The following ZPR1 variants were observed in gnomAD, a reference collection of about 807,000 sequenced individuals.
The protein encoded by ZPR1 is ZPR1 zinc finger, also known as zinc finger protein ZPR1.
A neutral mutation model predicts 59.6 loss-of-function variants in ZPR1; 37 were observed. The observed-to-expected ratio is 0.62, with a 90% CI of 0.48 to 0.82. The LOEUF (loss-of-function observed/expected upper bound fraction) is 0.82, where lower values mean the gene tolerates loss of function less well. Ranked by LOEUF, ZPR1 falls within the 40% of genes least tolerant of loss-of-function variation. The pLI is 0.00. For synonymous variants in ZPR1, 191 were observed against 215.2 expected (o/e 0.89, Z 0.99); for missense variants, 527 against 579.9 (o/e 0.91, Z 0.94).
intron 12 of ZPR1, among the ~76,000 whole-genome samples, chr11:116,780,699 G>T (rs927232394): frequency 6.6e-6 from 1 of 152,080 alleles, no homozygotes; most frequent in Non-Finnish European, 1.5e-5. Flanking sequence ...GGCATTGGAG[G>T]CCACCTCAGC....
Position 116,779,468 on chromosome 11 carries a change from C to T in ZPR1, c.1245+304G>A, listed in dbSNP as rs145796806. On this transcript the variant is annotated intron_variant, in intron 13 of 13. Transcript: ENST00000227322. Reference sequence around the variant, plus strand: ...CCTATCTTGGCCTCCGGACAAGGTACCATTTCTCCTCAATCCATAATCAGA... The same window carrying T: ...CCTATCTTGGCCTCCGGACAAGGTATCATTTCTCCTCAATCCATAATCAGA... 7.8e-3 allele frequency among the ~76,000 whole-genome samples: 1,180 copies of T among 152,218 alleles called. 25 individuals carry two copies. Among genetic ancestry groups the T allele is most frequent in the Admixed American group, 0.041 (634 of 15,296 alleles).
intron 12 of ZPR1, among the ~76,000 whole-genome samples, chr11:116,781,754 T>G (rs1001230791): frequency 6.6e-6 from 1 of 152,178 alleles, no homozygotes; most frequent in Non-Finnish European, 1.5e-5. Context: ...GGCTCACGCC[T>G]GTAATCCCAG....
rs1648420651 is a variant in ZPR1, at chr11:116,787,957, G to A, written c.34C>T (p.Pro12Ser). The change falls in exon 1 of 14, where the codon CCG becomes TCG. Residue 12 changes from proline (P) to serine (S), a missense_variant. Transcript: ENST00000227322. ...AASGAVEPGP[P>S]GAAVAPSPAP... Reference sequence around the variant, plus strand: ...GGCGACGGGGCGACGGCAGCCCCCGGGGGCCCTGGTTCCACAGCCCCGCTG... The same window carrying A: ...GGCGACGGGGCGACGGCAGCCCCCGAGGGCCCTGGTTCCACAGCCCCGCTG... 6.9e-7 allele frequency: 1 copy of A among 1,458,062 alleles called. No individual in the cohort carries two copies. The highest frequency in any genetic ancestry group is 9.0e-7 in the Non-Finnish European group (1 of 1,115,480). The allele number at this position is 1,458,062 out of a possible 1,614,324, so 90.3% of individuals were successfully genotyped here. A position where few individuals can be genotyped will look rare whatever the true frequency, so the allele number is the denominator to read the frequency against.
Position 116,787,041 on chromosome 11 carries a change from C to G in ZPR1, c.352G>C (p.Val118Leu). Reference protein sequence around the residue: ...RALEDMNREVVKTDSAATRIP... With the variant: ...RALEDMNREVLKTDSAATRIP... ...CTTGTGGCAGCAGAGTCAGTCTTCA[C>G]CACTTCTCTGTTCATGTCCTGGGAA... Residue 118 changes from valine to leucine, a missense_variant, in exon 3 of 14, where the codon GTG becomes CTG. Physicochemically the swap from Val to Leu is conservative, Grantham distance 32 (BLOSUM62 1). Coordinates refer to ENST00000227322, the MANE Select transcript of ZPR1 (RefSeq NM_003904.5). 2 of 1,614,146 alleles carry G rather than the reference C, an allele frequency of 1.2e-6. No homozygotes were observed. The highest frequency in any genetic ancestry group is 2.2e-5 in the East Asian group (1 of 44,890).
In ZPR1 at chr11:116,778,949, C is replaced by T. The variant is rs1377830588; in HGVS notation, c.1356G>A (p.Glu452=). Residue 452 remains glutamate (E), a synonymous_variant, in exon 14 of 14, where the codon GAG becomes GAA. Coordinates refer to ENST00000227322, the MANE Select transcript of ZPR1 (RefSeq NM_003904.5). ...GCTACCGTTGCGGAGCCAGGCCTGC[C>T]TCATAGCCCTCTGTCTTCATGTCAT... ...GLNDMKTEGY[E]AGLAPQR is the part of the protein sequence containing the mutation. 6.2e-7 allele frequency: 1 copy of T among 1,614,116 alleles called. No individual in the cohort carries two copies. Among genetic ancestry groups the T allele is most frequent in the East Asian group, 2.2e-5 (1 of 44,886 alleles).
In ZPR1 at chr11:116,786,510, C is replaced by T. The variant is rs1212522878; in HGVS notation, c.495+1G>A. On this transcript the variant is annotated splice_donor_variant, in intron 4 of 13. Coordinates refer to ENST00000227322, the MANE Select transcript of ZPR1 (RefSeq NM_003904.5). LOFTEE classifies it high-confidence loss of function. ...GCTACAATCAGAAAACCCCAGCTTACCCTTCGTGCAGGCTGGTCCTGCTCC... is the reference window on the plus strand; with the variant it reads ...GCTACAATCAGAAAACCCCAGCTTATCCTTCGTGCAGGCTGGTCCTGCTCC... The T allele has an allele frequency of 5.0e-6, 8 of 1,614,194 alleles. No homozygotes were observed. Among genetic ancestry groups the T allele is most frequent in the Non-Finnish European group, 5.9e-6 (7 of 1,180,036 alleles).
rs1283042259 is a variant in ZPR1, at chr11:116,776,551, G to A, written c.*2374C>T. On this transcript the variant is annotated 3_prime_UTR_variant, in exon 14 of 14. Coordinates refer to ENST00000227322, the MANE Select transcript of ZPR1 (RefSeq NM_003904.5). ...GAAAGATAATTCAAGAGAAGGGTAT[G>A]AAACTGAAGAATGCCTTGTCATCAA... 3.3e-5 allele frequency: 5 copies of A among 152,230 alleles called. No homozygotes were observed. The highest frequency in any genetic ancestry group is 1.2e-4 in the African/African-American group (5 of 41,470). 9.4% of individuals were successfully genotyped at this position (152,230 alleles called of 1,614,324 possible).
rs1399171446 is a variant in ZPR1 at position 116,776,423 on chromosome 11, A to G, written c.*2502T>C. ...AATCTATGATGGAGGATTTTAACAG[A>G]TTTTATTAACCATGTGTCATATGCT... On this transcript the variant is annotated 3_prime_UTR_variant, in exon 14 of 14. Transcript: ENST00000227322. 1 of 152,210 alleles carries G rather than the reference A, an allele frequency of 6.6e-6. No homozygotes were observed. The highest frequency in any genetic ancestry group is 1.9e-4 in the East Asian group (1 of 5,196). The allele number at this position is 152,210 out of a possible 1,614,324, so 9.4% of individuals were successfully genotyped here. A position where few individuals can be genotyped will look rare whatever the true frequency, so the allele number is the denominator to read the frequency against.
chr11:116,785,048 G>C, intron 7 of ZPR1, 51 bp downstream of exon 7: 17 of 1,610,102 alleles, frequency 1.1e-5, no homozygotes, highest in Middle Eastern at 1.7e-4. Flanking sequence ...AACAGCATCA[G>C]TCTCAGCCCA....
rs746062593 is a variant in ZPR1, at chr11:116,775,768, C to G, written c.*3157G>C. On this transcript the variant is annotated 3_prime_UTR_variant, in exon 14 of 14. Coordinates refer to ENST00000227322, the MANE Select transcript of ZPR1 (RefSeq NM_003904.5). ...ATCCCCATTTTACAGACTAGGAAAA[C>G]AAGCATTGGAAGTGCCAATACTAAA... 6.2e-6 allele frequency: 1 copy of G among 161,806 alleles called. No individual in the cohort carries two copies. Among genetic ancestry groups the G allele is most frequent in the African/African-American group, 2.5e-5 (1 of 40,118 alleles). The allele number at this position is 161,806 out of a possible 1,614,324, so 10.0% of individuals were successfully genotyped here.
rs1406857881 is a variant in ZPR1 at position 116,787,233 on chromosome 11, C to G, written c.334-174G>C. The G allele has an allele frequency of 6.0e-5, 41 of 684,710 alleles. No homozygotes were observed. The East Asian group carries it at 1.1e-3, about 18-fold the overall frequency. 42.4% of individuals were successfully genotyped at this position (684,710 alleles called of 1,614,324 possible). On this transcript the variant is annotated intron_variant, in intron 2 of 13. Coordinates refer to ENST00000227322, the MANE Select transcript of ZPR1 (RefSeq NM_003904.5). ...GTACAGGTGGTGTGAGCCAGGCTGTCCAAATGGTGAGAATACTATTCATAA... is the reference window on the plus strand; with the variant it reads ...GTACAGGTGGTGTGAGCCAGGCTGTGCAAATGGTGAGAATACTATTCATAA...
Position 116,774,475 on chromosome 11 carries a change from T to A in ZPR1, c.*4450A>T, listed in dbSNP as rs1000947519. The A allele has an allele frequency of 6.6e-6, 1 of 152,136 alleles. No homozygotes were observed. The highest frequency in any genetic ancestry group is 2.4e-5 in the African/African-American group (1 of 41,412). 9.4% of individuals were successfully genotyped at this position (152,136 alleles called of 1,614,324 possible). On this transcript the variant is annotated 3_prime_UTR_variant, in exon 14 of 14. Coordinates refer to ENST00000227322, the MANE Select transcript of ZPR1 (RefSeq NM_003904.5). ...CCAAGAGTCAAAAAGGTCACTTTTT[T>A]AATATATTAGTCAAGCAGACAGGGC...
In ZPR1 at chr11:116,777,794, A is replaced by T. The variant is rs1328774705; in HGVS notation, c.*1131T>A. Reference sequence around the variant, plus strand: ...ACAGGAGTCACCTTTTGTTTATGAGAGGCAGGAGACTACAGTGCAAAGAAC... The same window carrying T: ...ACAGGAGTCACCTTTTGTTTATGAGTGGCAGGAGACTACAGTGCAAAGAAC... On this transcript the variant is annotated 3_prime_UTR_variant, in exon 14 of 14. Coordinates refer to ENST00000227322, the MANE Select transcript of ZPR1 (RefSeq NM_003904.5). The T allele has an allele frequency of 6.6e-6, 1 of 152,192 alleles. No individual in the cohort carries two copies. Among genetic ancestry groups the T allele is most frequent in the Non-Finnish European group, 1.5e-5 (1 of 68,036 alleles). 9.4% of individuals were successfully genotyped at this position (152,192 alleles called of 1,614,324 possible). A position where few individuals can be genotyped will look rare whatever the true frequency, so the allele number is the denominator to read the frequency against.
At chr11:116,780,490 C>G (rs1021946674) in intron 12 of ZPR1, among the ~76,000 whole-genome samples, 1 of 150,776 alleles carries the variant, frequency 6.6e-6, no homozygotes, top group African/African-American at 2.4e-5. Context: ...TGGGCCAGCA[C>G]CCCCTGGTCC....
chr11:116,783,860 TAAAA>T (rs11355367), intron 9 of ZPR1, among the ~76,000 whole-genome samples: 15 of 126,446 alleles, frequency 1.2e-4, no homozygotes, highest in African/African-American at 2.9e-4. Context: ...GAATTTACCT[TAAAA>T]AAAAAAAAAA....
At chr11:116,783,425 T>C (rs987182438) in intron 10 of ZPR1, 105 bp downstream of exon 10, 2 of 977,126 alleles carry the variant, frequency 2.0e-6, no homozygotes, top group Non-Finnish European at 3.2e-6. Context: ...AAGTAGGAGA[T>C]ACCTCATGTC....
At chr11:116,785,661 C>A in intron 5 of ZPR1, 25 bp from the exon 6 acceptor site, 1 of 1,613,816 alleles carries the variant, frequency 6.2e-7, no homozygotes, top group South Asian at 1.1e-5. Context: ...AAGAGAGAGT[C>A]ACTGCAAAAG....
At chr11:116,785,420 G>GC in intron 6 of ZPR1, 94 bp downstream of exon 6, 9 of 1,538,840 alleles carry the variant, frequency 5.8e-6, no homozygotes, top group Non-Finnish European at 7.0e-6. Context: ...AGGGCACACA[G>GC]AGCAGCAGCA....
intron 6 of ZPR1, 78 bp downstream of exon 6, chr11:116,785,436 A>G (rs1940868932): frequency 1.4e-5 from 22 of 1,572,098 alleles, no homozygotes; most frequent in Non-Finnish European, 1.9e-5. Flanking sequence ...CAGCAGCAAA[A>G]TAAGTTCCAC....
Sources: gnomAD v4.1 joint callset for allele counts (sites outside exome capture counted in the v4.1 genomes callset) on GRCh38, gnomAD v4.1.1 for gene constraint, MANE v1.5 for transcripts, NCBI Gene and HGNC (gene_info 2026-07-23, HGNC 2026-07-21) for gene names.